DOCK1: variants seen among roughly 807,000 people sequenced by gnomAD.
DOCK1 encodes the protein dedicator of cytokinesis 1.
DOCK1 carries 138 observed loss-of-function variants against 262.7 expected under a neutral mutation model. The observed-to-expected ratio is 0.53, with a 90% CI of 0.46 to 0.61. DOCK1 has a LOEUF of 0.61. Among genes scored for constraint, DOCK1 ranks in the 20% least tolerant of loss-of-function variants. The probability of loss-of-function intolerance (pLI) is 0.00; values close to 1 mark genes in which losing one functional copy is unlikely to be tolerated. For synonymous variants in DOCK1, 866 were observed against 867.4 expected, an observed-to-expected ratio of 1.00 and a Z score of 0.03; for missense variants, 1,908 against 2,370.7, an observed-to-expected ratio of 0.80 and a Z score of 4.05.
intron 23 of DOCK1, among the ~76,000 whole-genome samples, chr10:127,097,762 A>T (rs2047997637): frequency 6.6e-6 from 1 of 152,260 alleles, no homozygotes; most frequent in African/African-American, 2.4e-5. Flanking sequence ...TAAATAGCAA[A>T]CATTTATTTG....
chr10:127,113,982 G>A (rs2132915774), intron 25 of DOCK1, among the ~76,000 whole-genome samples: 1 of 152,214 alleles, frequency 6.6e-6, no homozygotes, highest in Non-Finnish European at 1.5e-5. Context: ...GGGCATCCGT[G>A]GTGCAGTCAT....
At chr10:127,371,859 C>A (rs1037468973) in intron 33 of DOCK1, among the ~76,000 whole-genome samples, 2 of 152,020 alleles carry the variant, frequency 1.3e-5, no homozygotes, top group Non-Finnish European at 2.9e-5. Context: ...TTGCAGAATT[C>A]TTTTCTGTAA....
At position 126,914,290 on chromosome 10, in the gene DOCK1, T is replaced by C. The variant is rs145070784; in HGVS notation, c.46+8727T>C. On this transcript the variant is annotated intron_variant, in intron 1 of 51. Transcript: ENST00000623213. ...TCATCAGAAATGTTACCTTGAGTCT[T>C]TATCTAGATGCAGTTGCTGTTTAGA... 1.1e-3 allele frequency among the ~76,000 whole-genome samples: 168 copies of C among 152,372 alleles called. 1 individual carries two copies. The highest frequency in any genetic ancestry group is 3.9e-3 in the African/African-American group (163 of 41,592).
At chr10:126,916,916 G>GCTTGTGGCTCC (rs201828272) in intron 1 of DOCK1, among the ~76,000 whole-genome samples, 62 of 147,834 alleles carry the variant, frequency 4.2e-4, no homozygotes, top group South Asian at 8.8e-4. Context: ...TGGGAGCTGT[G>GCTTGTGGCTCC]TGAGGCCAGC....
intron 13 of DOCK1, among the ~76,000 whole-genome samples, chr10:127,021,429 C>A (rs995789397): frequency 2.6e-5 from 4 of 152,146 alleles, no homozygotes; most frequent in Non-Finnish European, 4.4e-5. Context: ...CCTCGCAAAG[C>A]GCTGGGATTA....
intron 27 of DOCK1, among the ~76,000 whole-genome samples, chr10:127,227,135 C>T (rs906496627): frequency 6.6e-6 from 1 of 152,200 alleles, no homozygotes. Flanking sequence ...ACCCTTGACT[C>T]CCACAGCTGA....
At chr10:126,932,369 A>G (rs2034250239) in intron 1 of DOCK1, among the ~76,000 whole-genome samples, 2 of 152,216 alleles carry the variant, frequency 1.3e-5, no homozygotes, top group South Asian at 4.1e-4. Context: ...CGTGTCTCCA[A>G]AAAACAGAAC....
At chr10:126,955,960 C>T (rs2036703038) in intron 1 of DOCK1, among the ~76,000 whole-genome samples, 1 of 152,162 alleles carries the variant, frequency 6.6e-6, no homozygotes, top group African/African-American at 2.4e-5. Flanking sequence ...TGTCCATATG[C>T]CTGTTAAAAC....
At chr10:126,974,961 A>C (rs1002977391) in intron 2 of DOCK1, among the ~76,000 whole-genome samples, 1 of 151,966 alleles carries the variant, frequency 6.6e-6, no homozygotes, top group Non-Finnish European at 1.5e-5. Context: ...ATAAAGACAC[A>C]AAACTCCTTG....
At chr10:127,206,051 G>C (rs1194758487) in intron 27 of DOCK1, among the ~76,000 whole-genome samples, 1 of 151,874 alleles carries the variant, frequency 6.6e-6, no homozygotes, top group Non-Finnish European at 1.5e-5. Flanking sequence ...TGCACTTAGA[G>C]GGATTCAGTT....
intron 2 of DOCK1, among the ~76,000 whole-genome samples, 183 bp from the exon 3 acceptor site, chr10:126,977,765 T>C (rs1273800396): frequency 6.6e-6 from 1 of 152,178 alleles, no homozygotes; most frequent in African/African-American, 2.4e-5. Flanking sequence ...CCGGGTGCGC[T>C]GTTGAAATGC....
chr10:127,404,771 C>A (rs181228229), intron 40 of DOCK1, among the ~76,000 whole-genome samples: 39 of 152,214 alleles, frequency 2.6e-4, no homozygotes, highest in African/African-American at 8.7e-4. Context: ...CGTTGTTGTG[C>A]GGCCAGCACC....
chr10:126,973,567 A>G (rs1393592283), intron 2 of DOCK1, among the ~76,000 whole-genome samples: 2 of 152,206 alleles, frequency 1.3e-5, no homozygotes, highest in African/African-American at 4.8e-5. Context: ...GATTCTGATG[A>G]AAATATTTCA....
At chr10:127,197,456 C>A (rs1310476054) in intron 27 of DOCK1, among the ~76,000 whole-genome samples, 1 of 152,122 alleles carries the variant, frequency 6.6e-6, no homozygotes, top group Non-Finnish European at 1.5e-5. Context: ...CCTGTCAGGC[C>A]CTGGGGTCTG....
chr10:127,224,704 A>G (rs1434388735), intron 27 of DOCK1, among the ~76,000 whole-genome samples: 1 of 152,056 alleles, frequency 6.6e-6, no homozygotes, highest in Non-Finnish European at 1.5e-5. Context: ...TGGGAGAGAC[A>G]GCAAGACCCT....
chr10:127,434,359 A>G (rs2134664191), intron 48 of DOCK1, among the ~76,000 whole-genome samples: 1 of 151,874 alleles, frequency 6.6e-6, no homozygotes, highest in East Asian at 1.9e-4. Flanking sequence ...TTTGAGGCAG[A>G]CTCTCACTCT....
intron 1 of DOCK1, among the ~76,000 whole-genome samples, chr10:126,951,102 T>C (rs2036180771): frequency 6.6e-6 from 1 of 151,958 alleles, no homozygotes; most frequent in African/African-American, 2.4e-5. Context: ...ATGATAGTGG[T>C]GGTAGTGTTG....
intron 25 of DOCK1, among the ~76,000 whole-genome samples, chr10:127,121,475 G>GTGTGTGTGTGTGTGTC (rs775390820): frequency 6.6e-6 from 1 of 152,000 alleles, no homozygotes; most frequent in Non-Finnish European, 1.5e-5. Context: ...GTGTGTGTGT[G>GTGTGTGTGTGTGTGTC]TCTATCTGTC....
At chr10:127,257,281 C>A in intron 28 of DOCK1, 54 bp from the exon 29 acceptor site, 1 of 1,387,924 alleles carries the variant, frequency 7.2e-7, no homozygotes, top group Admixed American at 2.0e-5. Context: ...AGGAGGGTAT[C>A]ATGTTTACCT....
Sources: gnomAD v4.1 joint callset for allele counts (sites outside exome capture counted in the v4.1 genomes callset) on GRCh38, gnomAD v4.1.1 for gene constraint, MANE v1.5 for transcripts, NCBI Gene and HGNC (gene_info 2026-07-23, HGNC 2026-07-21) for gene names.